Variants in SORCS2 observed in about 807,000 individuals in gnomAD.
SORCS2 encodes the protein VPS10 domain-containing receptor SorCS2.
Under a neutral mutation model 141.6 loss-of-function variants are expected in SORCS2, and 100 were observed. The observed-to-expected ratio is 0.71, with a 90% CI of 0.60 to 0.83. SORCS2 has a LOEUF of 0.83. SORCS2 is among the 40% of genes least tolerant of loss of function. The pLI, the probability that SORCS2 is intolerant of heterozygous loss-of-function variation, is 0.00. For synonymous variants in SORCS2, 789 were observed against 676.9 expected (o/e 1.17, Z -2.57); for missense variants, 1,646 against 1,560.2 (o/e 1.05, Z -0.93).
At chr4:7,415,075 A>G (rs1725571074) in intron 2 of SORCS2, among the ~76,000 whole-genome samples, 1 of 152,244 alleles carries the variant, frequency 6.6e-6, no homozygotes. Flanking sequence ...GTAATGAGTT[A>G]AAGTAAAAAC....
intron 3 of SORCS2, among the ~76,000 whole-genome samples, chr4:7,548,509 G>A (rs1713442401): frequency 6.6e-6 from 1 of 152,182 alleles, no homozygotes; most frequent in Non-Finnish European, 1.5e-5. Context: ...GGGGTTGGTG[G>A]CATACAAGCG....
At chr4:7,294,678 C>CTCT (rs1716844897) in intron 1 of SORCS2, among the ~76,000 whole-genome samples, 1 of 134,338 alleles carries the variant, frequency 7.4e-6, no homozygotes, top group African/African-American at 2.9e-5. Flanking sequence ...CCTCCTCCTC[C>CTCT]TCCTCCTCCC....
chr4:7,531,030 CAG>C (rs1486533044), intron 2 of SORCS2, among the ~76,000 whole-genome samples: 4 of 152,050 alleles, frequency 2.6e-5, no homozygotes, highest in Non-Finnish European at 5.9e-5. Flanking sequence ...TGGAGGAGCT[CAG>C]AGTCCAGAGA....
chr4:7,298,979 A>T (rs891054924), intron 1 of SORCS2, among the ~76,000 whole-genome samples: 2 of 152,266 alleles, frequency 1.3e-5, no homozygotes, highest in Non-Finnish European at 2.9e-5. Context: ...AGAGTTGTGC[A>T]AATTGCAGGA....
At chr4:7,695,278 G>A (rs1724526236) in intron 11 of SORCS2, among the ~76,000 whole-genome samples, 2 of 119,738 alleles carry the variant, frequency 1.7e-5, no homozygotes, top group South Asian at 6.2e-4. Context: ...GTGGGTGGAT[G>A]GATGGATGGA....
chr4:7,531,560 G>C lies in SORCS2; in HGVS notation c.579G>C (p.Lys193Asn). 4.3e-6 allele frequency: 7 copies of C among 1,613,928 alleles called. No individual in the cohort carries two copies. The highest frequency in any genetic ancestry group is 5.9e-6 in the Non-Finnish European group (7 of 1,179,864). ...RSSDFGTSYTKLTLQPGVTTV... is the reference protein window; with the variant it reads ...RSSDFGTSYTNLTLQPGVTTV... ...CAGATTTCGGGACGTCCTACACCAA[G>C]CTCACCCTCCAGCCTGGTGTCACCA... The change falls in exon 3 of 27, where the codon AAG becomes AAC. Residue 193 changes from lysine (K) to asparagine (N), a missense_variant. By Grantham distance (94) the Lys-to-Asn change is moderately conservative. Transcript: ENST00000507866.
At chr4:7,220,122 T>A (rs1728615551) in intron 1 of SORCS2, among the ~76,000 whole-genome samples, 1 of 152,196 alleles carries the variant, frequency 6.6e-6, no homozygotes, top group East Asian at 1.9e-4. Context: ...CTTCACATTC[T>A]GAGGCCTGAG....
At chr4:7,592,178 CGGCCTTGCCTGGTCATTATTTTTGTG>C (rs1560410809) in intron 3 of SORCS2, among the ~76,000 whole-genome samples, 1 of 152,114 alleles carries the variant, frequency 6.6e-6, no homozygotes, top group Non-Finnish European at 1.5e-5. Flanking sequence ...TTGTTTATGG[CGGCCTTGCCTGGTCATTATTTTTGTG>C]GGCTCCCCCA....
intron 2 of SORCS2, among the ~76,000 whole-genome samples, chr4:7,425,117 C>G (rs1459520507): frequency 1.3e-5 from 2 of 152,224 alleles, no homozygotes; most frequent in Non-Finnish European, 2.9e-5. Flanking sequence ...TCTCTCCAGC[C>G]TCTCACGACC....
chr4:7,434,577 C>T (rs771107772), intron 2 of SORCS2: 3 of 1,613,482 alleles, frequency 1.9e-6, no homozygotes, highest in African/African-American at 2.7e-5. Context: ...CTGAAGACTC[C>T]TGGCTGGGGA....
At chr4:7,242,296 A>G (rs1371234117) in intron 1 of SORCS2, among the ~76,000 whole-genome samples, 1 of 152,138 alleles carries the variant, frequency 6.6e-6, no homozygotes, top group East Asian at 1.9e-4. Flanking sequence ...CCTAGGCTCA[A>G]GGGATTATCC....
At chr4:7,311,121 T>C (rs1428382538) in intron 1 of SORCS2, among the ~76,000 whole-genome samples, 1 of 152,056 alleles carries the variant, frequency 6.6e-6, no homozygotes, top group Non-Finnish European at 1.5e-5. Context: ...AGACACCCAC[T>C]GTCTCCTTCC....
At chr4:7,537,587 T>C (rs1240366291) in intron 3 of SORCS2, among the ~76,000 whole-genome samples, 1 of 152,210 alleles carries the variant, frequency 6.6e-6, no homozygotes, top group African/African-American at 2.4e-5. Flanking sequence ...TACTATGCAC[T>C]GGGTCCCTTG....
At chr4:7,649,923 G>A (rs1185152184) in intron 4 of SORCS2, among the ~76,000 whole-genome samples, 3 of 152,196 alleles carry the variant, frequency 2.0e-5, no homozygotes, top group African/African-American at 7.2e-5. Context: ...ACGCGGCACA[G>A]AAGAAGTCAG....
At chr4:7,587,251 A>G (rs1242401143) in intron 3 of SORCS2, among the ~76,000 whole-genome samples, 1 of 152,010 alleles carries the variant, frequency 6.6e-6, no homozygotes, top group East Asian at 1.9e-4. Context: ...TTTAGGTAAT[A>G]TTTGGCCACT....
chr4:7,512,275 G>A (rs1577679254), intron 2 of SORCS2, among the ~76,000 whole-genome samples: 1 of 151,832 alleles, frequency 6.6e-6, no homozygotes, highest in East Asian at 2.0e-4. Context: ...CCCAGGGCCA[G>A]GCTCATAATA....
intron 3 of SORCS2, among the ~76,000 whole-genome samples, chr4:7,586,193 C>G (rs1291265659): frequency 7.2e-5 from 11 of 152,146 alleles, no homozygotes; most frequent in Admixed American, 7.2e-4. Context: ...TTTTTTCCCT[C>G]CCATTAATTT....
chr4:7,478,667 T>C (rs1411730925), intron 2 of SORCS2, among the ~76,000 whole-genome samples: 1 of 152,176 alleles, frequency 6.6e-6, no homozygotes, highest in Admixed American at 6.5e-5. Flanking sequence ...CCCTGAACTT[T>C]GCACACGGCT....
At chr4:7,483,504 G>A (rs560887184) in intron 2 of SORCS2, among the ~76,000 whole-genome samples, 5 of 151,936 alleles carry the variant, frequency 3.3e-5, no homozygotes, top group African/African-American at 1.2e-4. Flanking sequence ...TACTGTTGAC[G>A]CCTCGATTTG....
Sources: gnomAD v4.1 joint callset for allele counts (sites outside exome capture counted in the v4.1 genomes callset) on GRCh38, gnomAD v4.1.1 for gene constraint, MANE v1.5 for transcripts, NCBI Gene and HGNC (gene_info 2026-07-23, HGNC 2026-07-21) for gene names.